The following NRF1 variants were observed in gnomAD, a reference collection of about 807,000 sequenced individuals.
The protein encoded by NRF1 is nuclear respiratory factor 1.
Under a neutral mutation model 58.5 loss-of-function variants are expected in NRF1, and 5 were observed. That is an observed-to-expected ratio of 0.09 (90% CI 0.04 to 0.18). The LOEUF (loss-of-function observed/expected upper bound fraction) is 0.18, where lower values mean the gene tolerates loss of function less well. Among genes scored for constraint, NRF1 ranks in the 10% least tolerant of loss-of-function variants. The pLI is 1.00. For missense variants in NRF1, 288 were observed against 657.7 expected (o/e 0.44, Z 6.15); for synonymous variants, 224 against 246.7 (o/e 0.91, Z 0.86).
intron 10 of NRF1, among the ~76,000 whole-genome samples, chr7:129,751,492 A>T (rs1360769152): frequency 6.6e-6 from 1 of 152,258 alleles, no homozygotes; most frequent in Admixed American, 6.5e-5. Context: ...CTATTTTAAC[A>T]ATTGGGCATG....
At chr7:129,662,247 T>A (rs1801800480) in intron 2 of NRF1, among the ~76,000 whole-genome samples, 1 of 152,102 alleles carries the variant, frequency 6.6e-6, no homozygotes, top group Admixed American at 6.5e-5. Context: ...TTTTTTATGT[T>A]CTCTTTTCTT....
chr7:129,690,688 C>A, intron 5 of NRF1, 142 bp downstream of exon 5: 1 of 850,194 alleles, frequency 1.2e-6, no homozygotes, highest in Non-Finnish European at 1.8e-6. Flanking sequence ...GAAACAGTAG[C>A]AGCCTTGGAA....
rs866437968 is a variant in NRF1, at chr7:129,728,494, A to C, written c.1348+1129A>C. On this transcript the variant is annotated intron_variant, in intron 10 of 10. Transcript: ENST00000393232. ...AAAAAAAAAAAAAAAAAAAAAAAAAACCAATCCTGGAATGAGGATAGATAA... is the reference window on the plus strand; with the variant it reads ...AAAAAAAAAAAAAAAAAAAAAAAAACCCAATCCTGGAATGAGGATAGATAA... Among the ~76,000 whole-genome samples, 896 of 147,672 alleles carry C rather than the reference A, an allele frequency of 6.1e-3. 15 individuals are homozygous for C. Among genetic ancestry groups the C allele is most frequent in the African/African-American group, 0.022 (859 of 39,482 alleles).
intron 10 of NRF1, among the ~76,000 whole-genome samples, chr7:129,736,820 A>G (rs995331833): frequency 6.6e-6 from 1 of 151,892 alleles, no homozygotes; most frequent in East Asian, 1.9e-4. Context: ...TACCTGGTAT[A>G]GCACTGAGAG....
intron 1 of NRF1, among the ~76,000 whole-genome samples, chr7:129,626,018 C>G (rs1800911470): frequency 6.6e-6 from 1 of 152,090 alleles, no homozygotes; most frequent in South Asian, 2.1e-4. Context: ...CAGGGTCTTA[C>G]TGTGTTGGCC....
At chr7:129,626,368 C>T (rs1378435477) in intron 1 of NRF1, among the ~76,000 whole-genome samples, 1 of 152,092 alleles carries the variant, frequency 6.6e-6, no homozygotes, top group East Asian at 1.9e-4. Context: ...GCGTTCTGGA[C>T]ATCATTTAGC....
At chr7:129,674,581 A>G (rs1238752958) in intron 3 of NRF1, among the ~76,000 whole-genome samples, 1 of 151,978 alleles carries the variant, frequency 6.6e-6, no homozygotes, top group Non-Finnish European at 1.5e-5. Flanking sequence ...CAATAGGTGC[A>G]TGTCACCATA....
intron 9 of NRF1, among the ~76,000 whole-genome samples, chr7:129,719,538 A>ACACACACG (rs1397790087): frequency 1.2e-4 from 15 of 125,534 alleles, no homozygotes; most frequent in Non-Finnish European, 2.4e-4. Flanking sequence ...ACACACACAC[A>ACACACACG]CACACAACAC....
chr7:129,620,237 G>A (rs1411846978), intron 1 of NRF1, among the ~76,000 whole-genome samples: 1 of 152,122 alleles, frequency 6.6e-6, no homozygotes, highest in Admixed American at 6.5e-5. Flanking sequence ...AGGAAGGTAG[G>A]AGGAATGCCA....
At chr7:129,642,922 A>T (rs1801327253) in intron 1 of NRF1, among the ~76,000 whole-genome samples, 1 of 151,768 alleles carries the variant, frequency 6.6e-6, no homozygotes, top group Non-Finnish European at 1.5e-5. Flanking sequence ...TACCACACGC[A>T]GCTGGTTTTT....
rs556294810 is a variant in NRF1, at chr7:129,690,497, C to T, written c.557C>T (p.Pro186Leu). ...PAPQEVNSEL[P>L]PLTIDGIPVS... ...CCACAGGAGGTTAACTCAGAACTGC[C>T]GCCTCTCACCATCGACGGAATTCCA... Residue 186 changes from proline (P) to leucine (L), a missense_variant, in exon 5 of 11, where the codon CCG becomes CTG. Transcript: ENST00000393232. 7 of 1,614,150 alleles carry T rather than the reference C, an allele frequency of 4.3e-6. No homozygotes were observed. The highest frequency in any genetic ancestry group is 5.1e-6 in the Non-Finnish European group (6 of 1,180,032).
At chr7:129,634,249 C>A (rs927281381) in intron 1 of NRF1, among the ~76,000 whole-genome samples, 1 of 151,998 alleles carries the variant, frequency 6.6e-6, no homozygotes, top group Non-Finnish European at 1.5e-5. Flanking sequence ...AGTTTACATT[C>A]AAGTTCATTC....
At chr7:129,685,192 T>A (rs921326269) in intron 4 of NRF1, among the ~76,000 whole-genome samples, 3 of 152,174 alleles carry the variant, frequency 2.0e-5, no homozygotes, top group South Asian at 2.1e-4. Flanking sequence ...TACAAAAAAA[T>A]TATGGTATCT....
At chr7:129,718,986 T>C (rs562096473) in intron 9 of NRF1, among the ~76,000 whole-genome samples, 2 of 152,326 alleles carry the variant, frequency 1.3e-5, no homozygotes, top group South Asian at 4.1e-4. Context: ...GAATTATAGT[T>C]ATTATCATTT....
intron 8 of NRF1, among the ~76,000 whole-genome samples, chr7:129,716,686 C>T (rs764310869): frequency 1.3e-5 from 2 of 151,950 alleles, no homozygotes; most frequent in Non-Finnish European, 2.9e-5. Flanking sequence ...GCCTGGCCAA[C>T]GTGGTGAAAC....
intron 1 of NRF1, among the ~76,000 whole-genome samples, chr7:129,619,433 T>TATATACACACACACAC (rs1554401492): frequency 6.1e-5 from 4 of 65,870 alleles, no homozygotes; most frequent in African/African-American, 3.3e-4. Flanking sequence ...TATATATATA[T>TATATACACACACACAC]ACACACACAC....
In NRF1 at chr7:129,642,409, A is replaced by G. The variant is rs181877133; in HGVS notation, c.-6-14937A>G. ...GAAATAACCTAAATGACTTCAGAGG[A>G]TTGGTAAACTAAACTACTGTATGTT... On this transcript the variant is annotated intron_variant, in intron 1 of 10. Transcript: ENST00000393232. 1.4e-3 allele frequency among the ~76,000 whole-genome samples: 216 copies of G among 152,350 alleles called. 1 individual carries two copies. The highest frequency in any genetic ancestry group is 2.6e-3 in the Non-Finnish European group (177 of 68,044).
At chr7:129,680,050 A>G (rs935572725) in intron 4 of NRF1, among the ~76,000 whole-genome samples, 2 of 152,198 alleles carry the variant, frequency 1.3e-5, no homozygotes, top group Non-Finnish European at 2.9e-5. Context: ...ACACAGCCAG[A>G]CTCTGTCTCA....
At chr7:129,720,098 A>T (rs924458268) in intron 9 of NRF1, among the ~76,000 whole-genome samples, 2 of 152,130 alleles carry the variant, frequency 1.3e-5, no homozygotes, top group African/African-American at 4.8e-5. Flanking sequence ...CAAAGGAAGG[A>T]GAATGTGTTC....
Sources: gnomAD v4.1 joint callset for allele counts (sites outside exome capture counted in the v4.1 genomes callset) on GRCh38, gnomAD v4.1.1 for gene constraint, MANE v1.5 for transcripts, NCBI Gene and HGNC (gene_info 2026-07-23, HGNC 2026-07-21) for gene names.